UNC5D: variants seen among roughly 807,000 people sequenced by gnomAD.
UNC5D encodes the protein netrin receptor UNC5D.
In UNC5D, 39 loss-of-function variants were observed where a neutral mutation model predicts 105.4. The observed-to-expected ratio is 0.37, with a 90% CI of 0.29 to 0.48. UNC5D has a LOEUF of 0.48. Among genes scored for constraint, UNC5D ranks in the 20% least tolerant of loss-of-function variants. The pLI is 0.98. For missense variants in UNC5D, 991 were observed against 1,202.4 expected, an observed-to-expected ratio of 0.82 and a Z score of 2.60; for synonymous variants, 452 against 450.4, an observed-to-expected ratio of 1.00 and a Z score of -0.04.
chr8:35,702,156 A>AT (rs777163175), intron 7 of UNC5D, among the ~76,000 whole-genome samples: 24 of 152,012 alleles, frequency 1.6e-4, no homozygotes, highest in Non-Finnish European at 2.6e-4. Context: ...AACTGCTATG[A>AT]TTTTTTTCCT....
At chr8:35,628,232 C>T (rs1432561679) in intron 4 of UNC5D, among the ~76,000 whole-genome samples, 5 of 152,028 alleles carry the variant, frequency 3.3e-5, no homozygotes, top group East Asian at 3.9e-4. Flanking sequence ...CTCCCAGGTC[C>T]GACTGATTCT....
intron 4 of UNC5D, among the ~76,000 whole-genome samples, chr8:35,657,096 A>ATATATG (rs1823818282): frequency 9.0e-6 from 1 of 111,058 alleles, no homozygotes; most frequent in African/African-American, 3.1e-5. Flanking sequence ...ATATATATAT[A>ATATATG]TATATATATA....
intron 1 of UNC5D, among the ~76,000 whole-genome samples, chr8:35,472,346 T>C (rs1809792827): frequency 6.6e-6 from 1 of 151,838 alleles, no homozygotes. Context: ...TCTGGAGAAG[T>C]GAGTGGGTTG....
At chr8:35,472,878 T>C (rs144510876) in intron 1 of UNC5D, among the ~76,000 whole-genome samples, 267 of 152,126 alleles carry the variant, frequency 1.8e-3, no homozygotes, top group African/African-American at 6.2e-3. Flanking sequence ...AAAATAAAGA[T>C]CCCGGGATGA....
At position 35,549,274 on chromosome 8, in the gene UNC5D, T is replaced by C; in HGVS notation, c.104-18T>C. 1.2e-6 allele frequency: 2 copies of C among 1,612,308 alleles called. No homozygotes were observed. The highest frequency in any genetic ancestry group is 1.7e-6 in the Non-Finnish European group (2 of 1,179,820). On this transcript the variant is annotated intron_variant, in intron 1 of 16. Coordinates refer to ENST00000404895, the MANE Select transcript of UNC5D (RefSeq NM_080872.4). ...TATCAATGTAGGCTGTGTTCTGATGTCTTTTTTGATTTCACAGGAACTGAC... is the reference window on the plus strand; with the variant it reads ...TATCAATGTAGGCTGTGTTCTGATGCCTTTTTTGATTTCACAGGAACTGAC...
intron 1 of UNC5D, among the ~76,000 whole-genome samples, chr8:35,451,029 TATA>T: frequency 7.0e-6 from 1 of 143,256 alleles, no homozygotes; most frequent in Middle Eastern, 3.5e-3. Flanking sequence ...GAGGAGCATC[TATA>T]ATAATAATCT....
chr8:35,607,677 C>A lies in UNC5D; in HGVS notation c.570+12020C>A, dbSNP rs566550169. ...CGATATTTAATAGTTTTATAAGGGG[C>A]TTTTTTCCTCTTTGATGGGCACATT... On this transcript the variant is annotated intron_variant, in intron 4 of 16. Coordinates refer to ENST00000404895, the MANE Select transcript of UNC5D (RefSeq NM_080872.4). Among the ~76,000 whole-genome samples, 4 of 152,140 alleles carry A rather than the reference C, an allele frequency of 2.6e-5. No individual in the cohort carries two copies. The South Asian group carries it at 8.3e-4, about 32-fold the overall frequency.
chr8:35,255,647 A>G (rs536461379), intron 1 of UNC5D: 2 of 152,296 alleles, frequency 1.3e-5, no homozygotes, highest in Admixed American at 6.5e-5. Flanking sequence ...ACAACTGTAG[A>G]CACAGAGAAA....
chr8:35,264,383 G>A (rs114143452), intron 1 of UNC5D, among the ~76,000 whole-genome samples: 1,259 of 35,806 alleles, frequency 0.035, 15 homozygotes, highest in African/African-American at 0.078. Context: ...AGAATACTTC[G>A]TAATGATTAT....
In UNC5D at chr8:35,273,547, AAC is replaced by A. The variant is rs1393604802; in HGVS notation, c.103+37664_103+37665del. On this transcript the variant is annotated intron_variant, in intron 1 of 16. Coordinates refer to ENST00000404895, the MANE Select transcript of UNC5D (RefSeq NM_080872.4). ...TAAGTCAATCTGAATTGTGGTGGGA[AAC>A]ACAGTGTTAAAGAGTTTTCTTTATG... 3.3e-5 allele frequency among the ~76,000 whole-genome samples: 5 copies of A among 152,202 alleles called. No homozygotes were observed. In the South Asian group the frequency reaches 1.0e-3, roughly 31 times the overall value.
intron 1 of UNC5D, among the ~76,000 whole-genome samples, chr8:35,540,121 A>T (rs567122207): frequency 2.0e-5 from 3 of 152,300 alleles, no homozygotes; most frequent in South Asian, 4.1e-4. Context: ...ACCTTTCCCA[A>T]ATCCCACTAG....
At position 35,718,862 on chromosome 8, in the gene UNC5D, C is replaced by T. The variant is rs577598595; in HGVS notation, c.1118-3348C>T. The stretch of plus-strand genomic sequence containing the variant: ...TATATGTTACACTGACCACTACATA[C>T]GGCCTTTTGTTAGCGAGTGTCCATC... On this transcript the variant is annotated intron_variant, in intron 8 of 16. Coordinates refer to ENST00000404895, the MANE Select transcript of UNC5D (RefSeq NM_080872.4). Among the ~76,000 whole-genome samples the T allele has an allele frequency of 7.9e-5, 12 of 152,120 alleles. No homozygotes were observed. The East Asian group carries it at 1.2e-3, about 15-fold the overall frequency.
At chr8:35,349,259 T>C (rs1812036133) in intron 1 of UNC5D, among the ~76,000 whole-genome samples, 1 of 151,962 alleles carries the variant, frequency 6.6e-6, no homozygotes, top group Non-Finnish European at 1.5e-5. Context: ...AGTGACAATG[T>C]AGGAATCTGA....
intron 16 of UNC5D, among the ~76,000 whole-genome samples, chr8:35,774,926 C>CAAAAAA: frequency 8.3e-6 from 1 of 120,372 alleles, no homozygotes; most frequent in South Asian, 2.8e-4. Flanking sequence ...GACCCTCCTC[C>CAAAAAA]AAAAAAAAAA....
chr8:35,296,560 C>T (rs560905065), intron 1 of UNC5D, among the ~76,000 whole-genome samples: 1 of 152,230 alleles, frequency 6.6e-6, no homozygotes, highest in South Asian at 2.1e-4. Flanking sequence ...GTTGTGATTA[C>T]AGGCGCCCAT....
intron 1 of UNC5D, among the ~76,000 whole-genome samples, chr8:35,454,283 TC>T (rs1330208727): frequency 1.3e-5 from 2 of 152,072 alleles, no homozygotes; most frequent in African/African-American, 4.8e-5. Context: ...AAGAGAACCA[TC>T]CAGTAGAGGT....
At chr8:35,472,104 T>G (rs1227684121) in intron 1 of UNC5D, among the ~76,000 whole-genome samples, 1 of 152,200 alleles carries the variant, frequency 6.6e-6, no homozygotes, top group Non-Finnish European at 1.5e-5. Context: ...TATGTAGAAA[T>G]GAAAGATCAA....
chr8:35,544,292 A>C (rs995387250), intron 1 of UNC5D: 45 of 1,296,386 alleles, frequency 3.5e-5, no homozygotes, highest in Admixed American at 5.3e-5. Flanking sequence ...GGATTTAATT[A>C]AGTGAAGCTT....
At chr8:35,690,465 C>CA (rs1257836776) in intron 7 of UNC5D, among the ~76,000 whole-genome samples, 2 of 152,048 alleles carry the variant, frequency 1.3e-5, no homozygotes, top group South Asian at 2.1e-4. Context: ...CCTGTCTCTA[C>CA]AAAAAATAAA....
Sources: gnomAD v4.1 joint callset for allele counts (sites outside exome capture counted in the v4.1 genomes callset) on GRCh38, gnomAD v4.1.1 for gene constraint, MANE v1.5 for transcripts, NCBI Gene and HGNC (gene_info 2026-07-23, HGNC 2026-07-21) for gene names.